The following PRLR variants were observed in gnomAD, a reference collection of about 807,000 sequenced individuals.
PRLR encodes prolactin receptor, also known as hPRL receptor.
In PRLR, 13 loss-of-function variants were observed where a neutral mutation model predicts 40.2. The ratio of observed to expected loss-of-function variants is 0.32; its 90% CI spans 0.21 to 0.51. The LOEUF is 0.51. Ranked by LOEUF, PRLR falls within the 20% of genes least tolerant of loss-of-function variation. PRLR has a pLI of 0.97. For synonymous variants in PRLR, 269 were observed against 278.7 expected (o/e 0.97, Z 0.35); for missense variants, 656 against 747.3 (o/e 0.88, Z 1.42).
chr5:35,134,406 G>T (rs749565079), intron 1 of PRLR, among the ~76,000 whole-genome samples: 1 of 152,024 alleles, frequency 6.6e-6, no homozygotes, highest in Admixed American at 6.6e-5. Flanking sequence ...GGCGGGGAGT[G>T]GGGGAGGGGG....
chr5:35,072,570 C>T lies in PRLR; in HGVS notation c.543+5G>A. The T allele has an allele frequency of 6.2e-7, 1 of 1,613,108 alleles. No individual in the cohort carries two copies. ...GTTCCTTCAAAAAGCATATGGATCA[C>T]TCACCTCCCACTCAGCTGCTTTCTC... On this transcript the variant is annotated splice_donor_5th_base_variant and intron_variant, in intron 6 of 9. Coordinates refer to ENST00000618457, the MANE Select transcript of PRLR (RefSeq NM_000949.7).
intron 1 of PRLR, among the ~76,000 whole-genome samples, chr5:35,158,813 A>G (rs1774587698): frequency 6.6e-6 from 1 of 152,152 alleles, no homozygotes; most frequent in Non-Finnish European, 1.5e-5. Flanking sequence ...TTCATTCCAC[A>G]TGGAGAAAGC....
At chr5:35,049,039 A>T in exon 9 of PRLR, 1 of 577,354 alleles carries the variant, frequency 1.7e-6, no homozygotes, top group Non-Finnish European at 3.3e-6. Flanking sequence ...GCACTAGGTA[A>T]GCAGAGGGAG....
intron 6 of PRLR, 82 bp from the exon 7 acceptor site, chr5:35,070,347 G>A (rs1035447289): frequency 1.4e-6 from 2 of 1,461,328 alleles, no homozygotes; most frequent in African/African-American, 2.8e-5. Context: ...AATAAACTAA[G>A]TTAGGCTGAA....
chr5:35,117,888 G>C (rs1056976933), intron 2 of PRLR, among the ~76,000 whole-genome samples, 173 bp downstream of exon 2: 1 of 152,220 alleles, frequency 6.6e-6, no homozygotes, highest in Non-Finnish European at 1.5e-5. Flanking sequence ...GAGCTGGACA[G>C]GCTGGGGAGA....
At chr5:35,158,975 A>G (rs1261025328) in intron 1 of PRLR, among the ~76,000 whole-genome samples, 1 of 152,208 alleles carries the variant, frequency 6.6e-6, no homozygotes, top group African/African-American at 2.4e-5. Context: ...ATTTATTTAT[A>G]GATTTATTTT....
intron 1 of PRLR, among the ~76,000 whole-genome samples, chr5:35,229,638 G>A (rs1776644535): frequency 6.6e-6 from 1 of 151,838 alleles, no homozygotes; most frequent in Non-Finnish European, 1.5e-5. Context: ...AGGTGCCTCC[G>A]TCCAGCTCCG....
chr5:35,072,323 T>G (rs995041051), intron 6 of PRLR, among the ~76,000 whole-genome samples: 1 of 152,132 alleles, frequency 6.6e-6, no homozygotes, highest in African/African-American at 2.4e-5. Flanking sequence ...TAAAATGTAC[T>G]AAGGGAGGCA....
intron 6 of PRLR, among the ~76,000 whole-genome samples, chr5:35,072,084 G>C (rs1369094418): frequency 6.6e-6 from 1 of 151,702 alleles, no homozygotes. Context: ...TTTTAGTAGA[G>C]ATGGGGTTTC....
At chr5:35,155,643 C>A (rs753399909) in intron 1 of PRLR, among the ~76,000 whole-genome samples, 42 of 152,156 alleles carry the variant, frequency 2.8e-4, no homozygotes, top group Non-Finnish European at 5.9e-5. Flanking sequence ...GGGCAGCCAT[C>A]ACCTTTAAGA....
intron 1 of PRLR, among the ~76,000 whole-genome samples, chr5:35,156,137 A>C (rs889844343): frequency 8.0e-5 from 12 of 149,548 alleles, no homozygotes; most frequent in Non-Finnish European, 1.8e-4. Context: ...TAAAAAAAAA[A>C]AACAAAAAAA....
intron 1 of PRLR, among the ~76,000 whole-genome samples, chr5:35,136,697 A>G (rs566272724): frequency 5.6e-4 from 85 of 151,892 alleles, no homozygotes; most frequent in Admixed American, 5.6e-3. Flanking sequence ...ACCTCCGCCC[A>G]CCCTCAACCT....
chr5:35,068,630 G>T, intron 8 of PRLR, 149 bp downstream of exon 8: 2 of 661,652 alleles, frequency 3.0e-6, no homozygotes, highest in Non-Finnish European at 2.6e-6. Context: ...TTATAGCACT[G>T]ATAAAAGATT....
chr5:35,209,738 C>T (rs372572941), intron 1 of PRLR, among the ~76,000 whole-genome samples: 5 of 152,166 alleles, frequency 3.3e-5, no homozygotes, highest in East Asian at 3.9e-4. Context: ...AGAAGGAAAA[C>T]GTATTCACTG....
At chr5:35,052,359 A>G (rs554609482), downstream of PRLR, among the ~76,000 whole-genome samples, 82 of 152,348 alleles carry the variant, frequency 5.4e-4, no homozygotes, top group African/African-American at 1.9e-3. Flanking sequence ...GAACATATCA[A>G]TAGATGTAGA....
At chr5:35,213,643 T>C (rs1033597434) in intron 1 of PRLR, among the ~76,000 whole-genome samples, 18 of 152,146 alleles carry the variant, frequency 1.2e-4, no homozygotes, top group Non-Finnish European at 1.8e-4. Flanking sequence ...AACTGAACAA[T>C]GAACAATAAC....
At chr5:35,229,987 TA>T (rs1035265162) in intron 1 of PRLR, among the ~76,000 whole-genome samples, 2 of 152,172 alleles carry the variant, frequency 1.3e-5, no homozygotes, top group Non-Finnish European at 2.9e-5. Flanking sequence ...GTGCAGTTTG[TA>T]AAAGCTGGGG....
chr5:35,182,312 T>C (rs531693631), intron 1 of PRLR, among the ~76,000 whole-genome samples: 4 of 152,322 alleles, frequency 2.6e-5, no homozygotes, highest in East Asian at 3.9e-4. Flanking sequence ...CAAAAATATT[T>C]TCCCCTCTGT....
intron 8 of PRLR, among the ~76,000 whole-genome samples, chr5:35,049,577 G>T (rs186093715): frequency 1.3e-5 from 2 of 152,284 alleles, no homozygotes; most frequent in East Asian, 3.9e-4. Context: ...GAAAGAAAAA[G>T]ATCACAACAA....
Sources: gnomAD v4.1 joint callset for allele counts (sites outside exome capture counted in the v4.1 genomes callset) on GRCh38, gnomAD v4.1.1 for gene constraint, MANE v1.5 for transcripts, NCBI Gene and HGNC (gene_info 2026-07-23, HGNC 2026-07-21) for gene names.